Variants in VIT observed in about 807,000 individuals in gnomAD.
VIT encodes vitrin.
Under a neutral mutation model 78.0 loss-of-function variants are expected in VIT, and 99 were observed. The ratio of observed to expected loss-of-function variants is 1.27; its 90% CI spans 1.08 to 1.50. The LOEUF (loss-of-function observed/expected upper bound fraction) is 1.50. VIT is among the 40% of genes most tolerant of loss of function. The pLI, the probability that VIT is intolerant of heterozygous loss-of-function variation, is 0.00. For synonymous variants in VIT, 374 were observed against 334.3 expected (o/e 1.12, Z -1.29); for missense variants, 1,126 against 875.3 (o/e 1.29, Z -3.61).
chr2:36,728,123 G>T (rs983249582), intron 2 of VIT, among the ~76,000 whole-genome samples: 2 of 151,782 alleles, frequency 1.3e-5, no homozygotes, highest in East Asian at 1.9e-4. Context: ...TAGAGACAGG[G>T]TTTCACCATG....
At chr2:36,708,508 A>G (rs941991989) in intron 1 of VIT, among the ~76,000 whole-genome samples, 6 of 152,086 alleles carry the variant, frequency 3.9e-5, no homozygotes, top group Admixed American at 6.6e-5. Flanking sequence ...GATGAATGCA[A>G]AAGTAATTTT....
At chr2:36,720,216 G>T (rs1666416186) in intron 2 of VIT, among the ~76,000 whole-genome samples, 1 of 152,038 alleles carries the variant, frequency 6.6e-6, no homozygotes, top group Non-Finnish European at 1.5e-5. Context: ...AAAGGTGGAG[G>T]CATCAAATAC....
intron 12 of VIT, among the ~76,000 whole-genome samples, chr2:36,800,939 G>A (rs955718518): frequency 1.3e-4 from 20 of 152,128 alleles, no homozygotes; most frequent in African/African-American, 3.4e-4. Flanking sequence ...GGCTGAGAAC[G>A]CTGAGCACTC....
intron 8 of VIT, among the ~76,000 whole-genome samples, chr2:36,774,306 G>A (rs906345707): frequency 1.3e-5 from 2 of 152,110 alleles, no homozygotes; most frequent in African/African-American, 4.8e-5. Context: ...ATTCTGAAAT[G>A]CCCCTGGCTG....
At chr2:36,794,101 C>A (rs578195139) in intron 12 of VIT, among the ~76,000 whole-genome samples, 6 of 152,308 alleles carry the variant, frequency 3.9e-5, no homozygotes, top group Non-Finnish European at 7.4e-5. Flanking sequence ...GAATCAAACA[C>A]CTGTGCCCAT....
intron 14 of VIT, among the ~76,000 whole-genome samples, chr2:36,806,698 C>A (rs1272079530): frequency 6.6e-6 from 1 of 152,158 alleles, no homozygotes; most frequent in Non-Finnish European, 1.5e-5. Context: ...AGGCACACAC[C>A]ACCACGCCCA....
intron 1 of VIT, among the ~76,000 whole-genome samples, chr2:36,699,493 C>A (rs561846725): frequency 4.8e-5 from 7 of 146,914 alleles, no homozygotes; most frequent in African/African-American, 1.7e-4. Flanking sequence ...TAATTATATT[C>A]TTCACAAGAC....
At chr2:36,760,359 A>G (rs958570137) in intron 6 of VIT, among the ~76,000 whole-genome samples, 2 of 152,004 alleles carry the variant, frequency 1.3e-5, no homozygotes, top group East Asian at 1.9e-4. Flanking sequence ...GAGGAGCCTT[A>G]GCATACAAAT....
At position 36,806,864 on chromosome 2, in the gene VIT, T is replaced by C. The variant is rs566043515; in HGVS notation, c.1389+1200T>C. ...AGGCGTGGGCCACTGCGCCCGGCCC[T>C]ACCTTCATCTCTTGAGCTCTGTAGC... On this transcript the variant is annotated intron_variant, in intron 14 of 15. Transcript: ENST00000379242. 1.3e-3 allele frequency among the ~76,000 whole-genome samples: 194 copies of C among 152,232 alleles called. 1 individual carries two copies. Among genetic ancestry groups the C allele is most frequent in the African/African-American group, 4.4e-3 (181 of 41,542 alleles).
intron 4 of VIT, among the ~76,000 whole-genome samples, chr2:36,746,217 G>T (rs1668124941): frequency 6.6e-6 from 1 of 152,092 alleles, no homozygotes; most frequent in African/African-American, 2.4e-5. Flanking sequence ...CTAGCACTCT[G>T]TTGAGGATTT....
At chr2:36,747,330 G>T in intron 4 of VIT, among the ~76,000 whole-genome samples, 1 of 152,144 alleles carries the variant, frequency 6.6e-6, no homozygotes, top group Non-Finnish European at 1.5e-5. Context: ...ATCAAATGTT[G>T]AGTGTAAGTC....
Position 36,806,058 on chromosome 2 carries a change from C to T in VIT, c.1389+394C>T, listed in dbSNP as rs1262034450. On this transcript the variant is annotated intron_variant, in intron 14 of 15. Coordinates refer to ENST00000379242, the MANE Select transcript of VIT (RefSeq NM_053276.4). ...CTCCTGTATACACACATTGCCGATT[C>T]ATCAACCTGATAAACCAGAGAAAGG... 3.3e-5 allele frequency among the ~76,000 whole-genome samples: 5 copies of T among 152,122 alleles called. No individual in the cohort carries two copies. The East Asian group carries it at 9.6e-4, about 29-fold the overall frequency.
In VIT at chr2:36,814,572, G is replaced by T. The variant is rs1220893856; in HGVS notation, c.*211G>T. 3 of 576,692 alleles carry T rather than the reference G, an allele frequency of 5.2e-6. No individual in the cohort carries two copies. Among genetic ancestry groups the T allele is most frequent in the South Asian group, 3.1e-5 (1 of 32,394 alleles). The allele number at this position is 576,692 out of a possible 1,614,324, so 35.7% of individuals were successfully genotyped here. A position where few individuals can be genotyped will look rare whatever the true frequency, so the allele number is the denominator to read the frequency against. ...CACAAACGTATAGAATGAGCCAAAAGGCTACATCATGTTGAGGGTGCTGGA... is the reference window on the plus strand; with the variant it reads ...CACAAACGTATAGAATGAGCCAAAATGCTACATCATGTTGAGGGTGCTGGA... On this transcript the variant is annotated 3_prime_UTR_variant, in exon 16 of 16. Transcript: ENST00000379242.
intron 11 of VIT, 144 bp from the exon 12 acceptor site, chr2:36,786,985 T>G (rs1455764028): frequency 4.9e-6 from 5 of 1,025,728 alleles, no homozygotes; most frequent in Non-Finnish European, 7.1e-6. Flanking sequence ...GGGATGTAAA[T>G]AAATATACCC....
At chr2:36,706,230 G>C (rs1029145329) in intron 1 of VIT, among the ~76,000 whole-genome samples, 1 of 152,176 alleles carries the variant, frequency 6.6e-6, no homozygotes, top group African/African-American at 2.4e-5. Context: ...CTTCTGCTTT[G>C]ATGCTACCAA....
rs1318456793 is a variant in VIT at position 36,808,575 on chromosome 2, G to A, written c.1493G>A (p.Arg498His). 1.5e-5 allele frequency: 25 copies of A among 1,614,002 alleles called. No homozygotes were observed. Among genetic ancestry groups the A allele is most frequent in the African/African-American group, 6.7e-5 (5 of 74,914 alleles). Residue 498 changes from arginine (R) to histidine (H), a missense_variant, in exon 15 of 16, where the codon CGC becomes CAC. Coordinates refer to ENST00000379242, the MANE Select transcript of VIT (RefSeq NM_053276.4). ...PLVKRVCDTD[R>H]LACSKTCLNS... Reference sequence around the variant, plus strand: ...GTGAAGCGGGTCTGCGACACTGACCGCCTGGCCTGCAGCAAGACCTGCTTG... The same window carrying A: ...GTGAAGCGGGTCTGCGACACTGACCACCTGGCCTGCAGCAAGACCTGCTTG...
chr2:36,701,487 T>C (rs931861017), intron 1 of VIT, among the ~76,000 whole-genome samples: 2 of 152,236 alleles, frequency 1.3e-5, no homozygotes, highest in Admixed American at 6.5e-5. Flanking sequence ...TAGTAAACAT[T>C]TCTCAAATTC....
intron 12 of VIT, among the ~76,000 whole-genome samples, chr2:36,790,069 A>C (rs1002769925): frequency 2.0e-5 from 3 of 152,242 alleles, no homozygotes. Context: ...TAGAAGTTAA[A>C]AGACTCATAC....
intron 2 of VIT, among the ~76,000 whole-genome samples, chr2:36,725,858 G>C (rs1344800372): frequency 6.6e-6 from 1 of 152,074 alleles, no homozygotes; most frequent in African/African-American, 2.4e-5. Flanking sequence ...GATCGCCTGA[G>C]GTCAGGAGTT....
Sources: allele counts gnomAD v4.1 joint callset (sites outside exome capture counted in the v4.1 genomes callset), GRCh38; gene constraint gnomAD v4.1.1; transcripts MANE v1.5; gene names NCBI Gene and HGNC (gene_info 2026-07-23, HGNC 2026-07-21).